The following ARID1B variants were observed in gnomAD, a reference collection of about 807,000 sequenced individuals.
ARID1B encodes the protein AT-rich interaction domain 1B.
ARID1B carries 30 observed loss-of-function variants against 212.3 expected under a neutral mutation model. The ratio of observed to expected loss-of-function variants is 0.14; its 90% CI spans 0.11 to 0.19. ARID1B has a LOEUF of 0.19. Among genes scored for constraint, ARID1B ranks in the 10% least tolerant of loss-of-function variants. ARID1B has a pLI of 1.00. For missense variants in ARID1B, 2,891 were observed against 3,204.0 expected, an observed-to-expected ratio of 0.90 and a Z score of 2.36; for synonymous variants, 1,402 against 1,301.7, an observed-to-expected ratio of 1.08 and a Z score of -1.66.
intron 2 of ARID1B, among the ~76,000 whole-genome samples, chr6:156,874,535 AT>A (rs1786393508): frequency 6.6e-6 from 1 of 152,088 alleles, no homozygotes. Flanking sequence ...TTTGTTACAC[AT>A]TTCCCCCAAA....
In ARID1B at chr6:157,206,633, A is replaced by C; in HGVS notation, c.5861A>C (p.Gln1954Pro). 1 of 1,613,988 alleles carries C rather than the reference A, an allele frequency of 6.2e-7. No individual in the cohort carries two copies. Among genetic ancestry groups the C allele is most frequent in the Middle Eastern group, 1.6e-4 (1 of 6,062 alleles). The change falls in exon 20 of 20, where the codon CAG becomes CCG. Residue 1954 changes from glutamine (Q) to proline (P), a missense_variant. Transcript: ENST00000636930. The surrounding 1 kb of genome is among the most constrained non-coding windows in gnomAD (Gnocchi z 6.8). Reference sequence around the variant, plus strand: ...GGGGGTGACACCACCGAGCACATTCAGACTCACTTTGAGAGCAAGATGGAA... The same window carrying C: ...GGGGGTGACACCACCGAGCACATTCCGACTCACTTTGAGAGCAAGATGGAA... ...LGGGDTTEHI[Q>P]THFESKMEIP... is the part of the protein sequence containing the mutation.
intron 4 of ARID1B, among the ~76,000 whole-genome samples, chr6:157,026,091 A>C (rs1029515827): frequency 6.6e-6 from 1 of 152,106 alleles, no homozygotes; most frequent in Non-Finnish European, 1.5e-5. Context: ...TGCCTGGCTA[A>C]TTTTTGTATT....
intron 1 of ARID1B, among the ~76,000 whole-genome samples, chr6:156,811,943 C>T (rs929122140): frequency 6.6e-6 from 1 of 152,168 alleles, no homozygotes; most frequent in African/African-American, 2.4e-5. Context: ...TGACCTTGGG[C>T]AAATTACCTA....
intron 3 of ARID1B, among the ~76,000 whole-genome samples, chr6:156,904,686 T>C (rs1218155647): frequency 6.6e-6 from 1 of 152,234 alleles, no homozygotes; most frequent in Non-Finnish European, 1.5e-5. Context: ...TCCCAATGTC[T>C]GAAATATGAA....
At chr6:156,827,551 C>T (rs989736387) in intron 1 of ARID1B, among the ~76,000 whole-genome samples, 1 of 152,180 alleles carries the variant, frequency 6.6e-6, no homozygotes, top group African/African-American at 2.4e-5. Context: ...CTGCAGGGCT[C>T]ACCCATGTTC....
rs964177782 is a variant in ARID1B, at chr6:157,203,471, G to A, written c.5264-395G>A. On this transcript the variant is annotated intron_variant, in intron 18 of 19. Transcript: ENST00000636930. The surrounding 1 kb of genome is among the most constrained non-coding windows in gnomAD (Gnocchi z 4.4). ...TCCAGGACGCCACCTTGAGACACTC[G>A]TGAGTGGTGAAGCCAAAAGAAGACA... 2.6e-5 allele frequency among the ~76,000 whole-genome samples: 4 copies of A among 152,158 alleles called. No individual in the cohort carries two copies. Among genetic ancestry groups the A allele is most frequent in the Admixed American group, 6.5e-5 (1 of 15,274 alleles).
Position 156,883,589 on chromosome 6 carries a change from ACACATCAGCCCCAG to A in ARID1B, c.1987-17783_1987-17770del, listed in dbSNP as rs535454425. On this transcript the variant is annotated intron_variant, in intron 2 of 19. Transcript: ENST00000636930. ...CTTTCCTCTCCAGCGTGAGCCTGACACACATCAGCCCCAGCACTCGGCCCACGCTCCCCACAGCA... is the reference window on the plus strand; with the variant it reads ...CTTTCCTCTCCAGCGTGAGCCTGACACACTCGGCCCACGCTCCCCACAGCA... Among the ~76,000 whole-genome samples the A allele has an allele frequency of 1.1e-3, 165 of 152,100 alleles. 1 individual carries two copies. The Middle Eastern group carries it at 0.014, about 13-fold the overall frequency.
chr6:156,865,410 C>A (rs1339925710), intron 2 of ARID1B, among the ~76,000 whole-genome samples: 2 of 152,190 alleles, frequency 1.3e-5, no homozygotes, highest in Non-Finnish European at 2.9e-5. Context: ...ACTGTCTTAA[C>A]CACCAGTCTT....
intron 2 of ARID1B, among the ~76,000 whole-genome samples, chr6:156,878,198 T>C (rs535821355): frequency 2.0e-5 from 3 of 152,272 alleles, no homozygotes; most frequent in Non-Finnish European, 2.9e-5. Flanking sequence ...TCTCCACTTA[T>C]CTGGCTACCA....
intron 2 of ARID1B, among the ~76,000 whole-genome samples, chr6:156,867,390 C>G (rs1785779144): frequency 6.6e-6 from 1 of 152,138 alleles, no homozygotes; most frequent in Non-Finnish European, 1.5e-5. Flanking sequence ...GAATCCATTT[C>G]CTTGGGCATA....
chr6:156,783,055 A>T (rs1779389557), intron 1 of ARID1B, among the ~76,000 whole-genome samples: 1 of 152,060 alleles, frequency 6.6e-6, no homozygotes, highest in Non-Finnish European at 1.5e-5. Context: ...TACATCAGTA[A>T]GTATATGCTA....
chr6:157,163,494 A>G (rs1791094136), intron 8 of ARID1B, among the ~76,000 whole-genome samples: 2 of 152,116 alleles, frequency 1.3e-5, no homozygotes, highest in Non-Finnish European at 2.9e-5. Flanking sequence ...TCTTGGCAGT[A>G]GTGTCTCAAG....
intron 1 of ARID1B, among the ~76,000 whole-genome samples, chr6:156,782,233 A>G (rs1260572472): frequency 1.3e-5 from 2 of 151,866 alleles, no homozygotes; most frequent in African/African-American, 2.4e-5. Flanking sequence ...ATTAAATCAC[A>G]TTGTTAAATG....
At chr6:157,141,898 C>T (rs956486655) in intron 7 of ARID1B, among the ~76,000 whole-genome samples, 1 of 152,150 alleles carries the variant, frequency 6.6e-6, no homozygotes, top group Admixed American at 6.5e-5. Flanking sequence ...ACCATACAGC[C>T]AGCAATCTAA....
At chr6:157,131,194 G>A (rs944197497) in intron 6 of ARID1B, among the ~76,000 whole-genome samples, 4 of 152,180 alleles carry the variant, frequency 2.6e-5, no homozygotes, top group Non-Finnish European at 5.9e-5. Flanking sequence ...TTTTTAAAAA[G>A]CAATAGTTTT....
intron 3 of ARID1B, among the ~76,000 whole-genome samples, chr6:156,934,632 C>T (rs894289701): frequency 2.0e-5 from 3 of 151,798 alleles, no homozygotes; most frequent in East Asian, 1.9e-4. Flanking sequence ...TAACGATTTA[C>T]GCTGTTATGT....
rs1562353645 is a variant in ARID1B at position 157,207,149 on chromosome 6, A to G, written c.6377A>G (p.Lys2126Arg). 1.9e-6 allele frequency: 3 copies of G among 1,614,184 alleles called. No individual in the cohort carries two copies. The highest frequency in any genetic ancestry group is 2.5e-6 in the Non-Finnish European group (3 of 1,180,022). Residue 2126 changes from lysine to arginine, a missense_variant, in exon 20 of 20, where the codon AAG becomes AGG. Physicochemically the swap from Lys to Arg is conservative, Grantham distance 26 (BLOSUM62 2). This residue lies in a region of ARID1B where 41 missense variants were observed against 40.4 expected (regional missense o/e 1.01). Coordinates refer to ENST00000636930, the MANE Select transcript of ARID1B (RefSeq NM_001374828.1). The surrounding 1 kb of genome is among the most constrained non-coding windows in gnomAD (Gnocchi z 8.5). ...TATGAGAAAGAGGAGGATGAGGACA[A>G]GGGGGTGGCCTGCAGCAAAGATGAG... Reference protein sequence around the residue: ...QTYEKEEDEDKGVACSKDEWW... With the variant: ...QTYEKEEDEDRGVACSKDEWW...
At position 156,779,515 on chromosome 6, in the gene ARID1B, G is replaced by A. The variant is rs371019276; in HGVS notation, c.1791+44G>A. 1.1e-5 allele frequency: 14 copies of A among 1,267,394 alleles called. No individual in the cohort carries two copies. The Admixed American group carries it at 4.4e-4, about 40-fold the overall frequency. The allele number at this position is 1,267,394 out of a possible 1,614,324, so 78.5% of individuals were successfully genotyped here. A position where few individuals can be genotyped will look rare whatever the true frequency, so the allele number is the denominator to read the frequency against. ...GGGCCTGCTTCCGCCCGGCGGCCTC[G>A]CCGCGCCGCGAGCCTGAGTTTCTTT... On this transcript the variant is annotated intron_variant, in intron 1 of 19. Coordinates refer to ENST00000636930, the MANE Select transcript of ARID1B (RefSeq NM_001374828.1).
intron 2 of ARID1B, among the ~76,000 whole-genome samples, chr6:156,898,008 G>A (rs1465177499): frequency 2.6e-5 from 4 of 152,228 alleles, no homozygotes; most frequent in South Asian, 4.1e-4. Context: ...ACGTGAACAC[G>A]TAGTTAAGTG....
Sources: allele counts gnomAD v4.1 joint callset (sites outside exome capture counted in the v4.1 genomes callset), GRCh38; gene constraint gnomAD v4.1.1; regional missense constraint gnomAD v4.1.1; non-coding constraint Gnocchi (gnomAD v3.1); transcripts MANE v1.5; gene names NCBI Gene and HGNC (gene_info 2026-07-23, HGNC 2026-07-21).